The following NRL variants were observed in gnomAD, a reference collection of about 807,000 sequenced individuals.
The protein encoded by NRL is neural retina-specific leucine zipper protein.
Under a neutral mutation model 12.5 loss-of-function variants are expected in NRL, and 16 were observed. The observed-to-expected ratio is 1.28, with a 90% CI of 0.87 to 1.95. The LOEUF (loss-of-function observed/expected upper bound fraction) is 1.95. Among genes scored for constraint, NRL ranks in the 30% most tolerant of loss-of-function variants. The pLI, the probability that NRL is intolerant of heterozygous loss-of-function variation, is 0.00. For missense variants in NRL, 314 were observed against 325.8 expected, an observed-to-expected ratio of 0.96 and a Z score of 0.28; for synonymous variants, 142 against 150.9, an observed-to-expected ratio of 0.94 and a Z score of 0.43.
In NRL at chr14:24,094,079, G is replaced by T; in HGVS notation, c.-27-11204C>A. On this transcript the variant is annotated intron_variant, in intron 1 of 2. Transcript: ENST00000561028. This position sits in a 1 kb window ranked among gnomAD's most constrained non-coding sequence, Gnocchi z 4.1. ...GGAGGGCGGTGGCGGATGGGGGGCG[G>T]GGCCTCGAAGTCGGGGGCCGAAGAG... 1 of 535,510 alleles carries T rather than the reference G, an allele frequency of 1.9e-6. No homozygotes were observed. Among genetic ancestry groups the T allele is most frequent in the South Asian group, 2.4e-5 (1 of 41,676 alleles). The allele number at this position is 535,510 out of a possible 1,614,324, so 33.2% of individuals were successfully genotyped here.
chr14:24,113,796 G>A (rs1224937016), intron 1 of NRL, among the ~76,000 whole-genome samples: 1 of 152,218 alleles, frequency 6.6e-6, no homozygotes, highest in African/African-American at 2.4e-5. Context: ...GCCCCAGGAG[G>A]GCCCAAGAAG....
At chr14:24,112,390 A>C (rs1268697018) in intron 1 of NRL, among the ~76,000 whole-genome samples, 1 of 151,162 alleles carries the variant, frequency 6.6e-6, no homozygotes, top group Admixed American at 6.6e-5. Context: ...GATCTAATTA[A>C]ACTAAAGAGC....
rs545391445 is a variant in NRL, at chr14:24,105,983, G to A, written c.-28+8739C>T. 3.4e-4 allele frequency among the ~76,000 whole-genome samples: 52 copies of A among 152,326 alleles called. 1 individual carries two copies. The highest frequency in any genetic ancestry group is 6.2e-4 in the South Asian group (3 of 4,828). Reference sequence around the variant, plus strand: ...TGCCTTTGAATCACCTGGAGATCTTGTTAAAATGCAGATTGTCACTCAGCA... The same window carrying A: ...TGCCTTTGAATCACCTGGAGATCTTATTAAAATGCAGATTGTCACTCAGCA... On this transcript the variant is annotated intron_variant, in intron 1 of 2. Coordinates refer to ENST00000561028, the MANE Select transcript of NRL (RefSeq NM_001354768.3).
At chr14:24,095,370 C>T (rs2036822229) in intron 1 of NRL, 11 of 399,288 alleles carry the variant, frequency 2.8e-5, no homozygotes, top group South Asian at 2.0e-4. Context: ...GAGGCAGGAA[C>T]AGACCCAGGT....
rs778947731 is a variant in NRL at position 24,103,823 on chromosome 14, G to A, written c.-28+10899C>T. On this transcript the variant is annotated intron_variant, in intron 1 of 2. Transcript: ENST00000561028. ...GCCTCAGAGCTATAGACACCACTCA[G>A]CTGTTCTCCCTCCCCAAGGACTTCT... The A allele has an allele frequency of 5.6e-6, 9 of 1,614,162 alleles. No individual in the cohort carries two copies. In the Admixed American group the frequency reaches 1.5e-4, roughly 27 times the overall value.
At position 24,078,968 on chromosome 14, in the gene NRL, A is replaced by G. The variant is rs1000474004; in HGVS notation, c.*2268T>C. Among the ~76,000 whole-genome samples, 1 of 151,930 alleles carries G rather than the reference A, an allele frequency of 6.6e-6. No homozygotes were observed. Among genetic ancestry groups the G allele is most frequent in the Non-Finnish European group, 1.5e-5 (1 of 68,004 alleles). ...GGTGCATGCCATTACATCTGAATTT[A>G]TTTTATTTTATTTTTTTGTAGTGAC... On this transcript the variant is annotated 3_prime_UTR_variant, in exon 3 of 3. Transcript: ENST00000561028.
At chr14:24,090,598 T>C (rs2036596623) in intron 1 of NRL, among the ~76,000 whole-genome samples, 1 of 152,190 alleles carries the variant, frequency 6.6e-6, no homozygotes, top group Non-Finnish European at 1.5e-5. Context: ...ATCATGATCC[T>C]GAAGCGGGAA....
Position 24,081,040 on chromosome 14 carries a change from C to A in NRL, c.*196G>T. ...CTGTGTTCGTAAGGGGAGGGGACCCCTCTCCAGAAAATGACCAGCATCTAA... is the reference window on the plus strand; with the variant it reads ...CTGTGTTCGTAAGGGGAGGGGACCCATCTCCAGAAAATGACCAGCATCTAA... On this transcript the variant is annotated 3_prime_UTR_variant, in exon 3 of 3. Transcript: ENST00000561028. This position sits in a 1 kb window ranked among gnomAD's most constrained non-coding sequence, Gnocchi z 4.4. 2.4e-6 allele frequency: 1 copy of A among 411,252 alleles called. No homozygotes were observed. 25.5% of individuals were successfully genotyped at this position (411,252 alleles called of 1,614,324 possible).
rs2036795363 is a variant in NRL at position 24,094,934 on chromosome 14, G to A, written c.-27-12059C>T. On this transcript the variant is annotated intron_variant, in intron 1 of 2. Coordinates refer to ENST00000561028, the MANE Select transcript of NRL (RefSeq NM_001354768.3). This position sits in a 1 kb window ranked among gnomAD's most constrained non-coding sequence, Gnocchi z 4.1. ...TTCCCGGCCTCTCCCGGACTGGAAG[G>A]ACTGGAACCTGGCGGGAAGTCCAGA... is the stretch of plus-strand genomic sequence containing the variant. The A allele has an allele frequency of 1.9e-6, 2 of 1,077,010 alleles. No homozygotes were observed. Among genetic ancestry groups the A allele is most frequent in the Non-Finnish European group, 2.5e-6 (2 of 802,208 alleles). The allele number at this position is 1,077,010 out of a possible 1,614,324, so 66.7% of individuals were successfully genotyped here.
At position 24,081,168 on chromosome 14, in the gene NRL, G is replaced by T. The variant is rs548894842; in HGVS notation, c.*68C>A. The T allele has an allele frequency of 3.0e-5, 35 of 1,162,494 alleles. No individual in the cohort carries two copies. The highest frequency in any genetic ancestry group is 2.2e-4 in the African/African-American group (14 of 62,358). 72.0% of individuals were successfully genotyped at this position (1,162,494 alleles called of 1,614,324 possible). A position where few individuals can be genotyped will look rare whatever the true frequency, so the allele number is the denominator to read the frequency against. On this transcript the variant is annotated 3_prime_UTR_variant, in exon 3 of 3. Coordinates refer to ENST00000561028, the MANE Select transcript of NRL (RefSeq NM_001354768.3). This position sits in a 1 kb window ranked among gnomAD's most constrained non-coding sequence, Gnocchi z 4.4. ...CGCTCTGGTAACGATGCAGAGAACCGTGCAGCCGCCTCCTGGGCGGAGCCA... is the reference window on the plus strand; with the variant it reads ...CGCTCTGGTAACGATGCAGAGAACCTTGCAGCCGCCTCCTGGGCGGAGCCA...
Position 24,104,851 on chromosome 14 carries a change from A to G in NRL, c.-28+9871T>C, listed in dbSNP as rs550039980. ...TGGCACTGGGAGCTGCATAGTATTC[A>G]TGGAAGCATATTCAATATTAGGACA... On this transcript the variant is annotated intron_variant, in intron 1 of 2. Coordinates refer to ENST00000561028, the MANE Select transcript of NRL (RefSeq NM_001354768.3). 5.9e-5 allele frequency among the ~76,000 whole-genome samples: 9 copies of G among 152,274 alleles called. No homozygotes were observed. The South Asian group carries it at 1.7e-3, about 28-fold the overall frequency.
intron 1 of NRL, chr14:24,099,268 C>T (rs774218848): frequency 1.7e-5 from 26 of 1,571,418 alleles, no homozygotes; most frequent in South Asian, 5.6e-5. Flanking sequence ...GGGCAGCTGC[C>T]GGGGACAGGG....
Position 24,114,723 on chromosome 14 carries a change from TATCA to T in NRL, c.-33_-30del, listed in dbSNP as rs1406451118. ...CACCTCGCGCATTCTCCCGCCTACC[TATCA>T]ATCATCGTGCTCCGCTGTCCAGTTG... On this transcript the variant is annotated splice_region_variant and 5_prime_UTR_variant, in exon 1 of 3. Coordinates refer to ENST00000561028, the MANE Select transcript of NRL (RefSeq NM_001354768.3). The T allele has an allele frequency of 1.0e-6, 1 of 985,878 alleles. No individual in the cohort carries two copies. The highest frequency in any genetic ancestry group is 1.2e-6 in the Non-Finnish European group (1 of 830,010). 61.1% of individuals were successfully genotyped at this position (985,878 alleles called of 1,614,324 possible).
At chr14:24,093,969 G>C in intron 1 of NRL, 1 of 503,224 alleles carries the variant, frequency 2.0e-6, no homozygotes, top group Non-Finnish European at 3.5e-6. Context: ...TCCCGCCCCT[G>C]GCCTCGCCCC....
At chr14:24,095,427 T>C in intron 1 of NRL, 1 of 352,418 alleles carries the variant, frequency 2.8e-6, no homozygotes, top group South Asian at 2.1e-5. Context: ...TGATCATCTA[T>C]CCTGCTTTAG....
chr14:24,114,701 C>G, intron 1 of NRL, 21 bp downstream of exon 1: 2 of 986,014 alleles, frequency 2.0e-6, no homozygotes, highest in Non-Finnish European at 2.4e-6. Context: ...CCTCAGGCAC[C>G]TCGCGCATTC....
intron 1 of NRL, chr14:24,099,126 T>G: frequency 2.5e-6 from 4 of 1,612,414 alleles, no homozygotes; most frequent in African/African-American, 1.3e-5. Context: ...GGAGATCATC[T>G]CCTTCGGCAG....
intron 1 of NRL, among the ~76,000 whole-genome samples, chr14:24,091,236 C>T (rs191504602): frequency 1.1e-4 from 17 of 151,902 alleles, no homozygotes; most frequent in Admixed American, 9.8e-4. Context: ...CTGCAACCTC[C>T]GCCTCCCGGG....
rs1281232386 is a variant in NRL, at chr14:24,094,049, G to C, written c.-27-11174C>G. ...GAGTCCTCAAAGTTACATCATGTGC[G>C]GCTGGGAGGGCGGTGGCGGATGGGG... On this transcript the variant is annotated intron_variant, in intron 1 of 2. Transcript: ENST00000561028. The surrounding 1 kb of genome is among the most constrained non-coding windows in gnomAD (Gnocchi z 4.1). 7.4e-6 allele frequency: 4 copies of C among 537,266 alleles called. No individual in the cohort carries two copies. The highest frequency in any genetic ancestry group is 2.0e-5 in the African/African-American group (1 of 49,432). The allele number at this position is 537,266 out of a possible 1,614,324, so 33.3% of individuals were successfully genotyped here.
Sources: allele counts gnomAD v4.1 joint callset (sites outside exome capture counted in the v4.1 genomes callset), GRCh38; gene constraint gnomAD v4.1.1; non-coding constraint Gnocchi (gnomAD v3.1); transcripts MANE v1.5; gene names NCBI Gene and HGNC (gene_info 2026-07-23, HGNC 2026-07-21).